The following ADAM9 variants were observed in gnomAD, a reference collection of about 807,000 sequenced individuals.
ADAM9 encodes the protein ADAM metallopeptidase domain 9, also known as disintegrin and metalloproteinase domain-containing protein 9.
Under a neutral mutation model 108.1 loss-of-function variants are expected in ADAM9, and 54 were observed. The observed-to-expected ratio is 0.50, with a 90% CI of 0.40 to 0.63. The LOEUF (loss-of-function observed/expected upper bound fraction) is 0.63, where lower values mean the gene tolerates loss of function less well. ADAM9 is among the 20% of genes least tolerant of loss of function. ADAM9 has a pLI of 0.00. For synonymous variants in ADAM9, 316 were observed against 336.0 expected (o/e 0.94, Z 0.65); for missense variants, 830 against 997.7 (o/e 0.83, Z 2.26).
chr8:39,033,571 CTT>C (rs1837171028), intron 11 of ADAM9, among the ~76,000 whole-genome samples: 1 of 151,032 alleles, frequency 6.6e-6, no homozygotes, highest in Non-Finnish European at 1.5e-5. Flanking sequence ...AAATATATGT[CTT>C]ATAATTATAT....
chr8:39,077,424 T>G lies in ADAM9; in HGVS notation c.1881+13T>G. On this transcript the variant is annotated intron_variant, in intron 16 of 21. Coordinates refer to ENST00000487273, the MANE Select transcript of ADAM9 (RefSeq NM_003816.3). ...TGGTGCTGGAAAGGTAATCAAAATA[T>G]TTTTTATTTACAAAGTAAAATGAAA... is the stretch of plus-strand genomic sequence containing the variant. 6.2e-7 allele frequency: 1 copy of G among 1,601,668 alleles called. No individual in the cohort carries two copies. Among genetic ancestry groups the G allele is most frequent in the Non-Finnish European group, 8.5e-7 (1 of 1,173,798 alleles).
At chr8:39,093,631 A>G (rs1284268146) in intron 20 of ADAM9, among the ~76,000 whole-genome samples, 2 of 152,208 alleles carry the variant, frequency 1.3e-5, no homozygotes, top group Admixed American at 1.3e-4. Flanking sequence ...TATATTGAGT[A>G]GAAGTGGTAG....
At chr8:39,048,996 T>C (rs1031589432) in intron 12 of ADAM9, among the ~76,000 whole-genome samples, 2 of 124,086 alleles carry the variant, frequency 1.6e-5, no homozygotes, top group African/African-American at 6.6e-5. Flanking sequence ...AGATAGCATA[T>C]AGTTTTTTTT....
intron 15 of ADAM9, among the ~76,000 whole-genome samples, chr8:39,072,304 A>G (rs2129441488): frequency 6.6e-6 from 1 of 152,296 alleles, no homozygotes; most frequent in Non-Finnish European, 1.5e-5. Flanking sequence ...GCTTCTACCC[A>G]TTCTACCTCC....
intron 13 of ADAM9, 90 bp from the exon 14 acceptor site, chr8:39,055,487 T>A: frequency 7.6e-7 from 1 of 1,319,804 alleles, no homozygotes; most frequent in South Asian, 1.2e-5. Flanking sequence ...GTTAGAATGC[T>A]TTATAGATGT....
Position 39,082,717 on chromosome 8 carries a change from A to G in ADAM9, c.1958A>G (p.His653Arg). ...DCDVQKKCHGHGVCNSNKNCH... is the reference protein window; with the variant it reads ...DCDVQKKCHGRGVCNSNKNCH... ...GATGTTCAGAAAAAGTGTCATGGAC[A>G]TGGGGTAGGTAATGTTTTCTTTTGG... The change falls in exon 17 of 22, where the codon CAT becomes CGT. Residue 653 changes from histidine to arginine, a missense_variant. Physicochemically the swap from His to Arg is conservative, Grantham distance 29. Around this residue, in one of 3 missense-constraint regions of ADAM9, gnomAD observed 238 missense variants for 235.7 expected, o/e 1.01. Transcript: ENST00000487273. The G allele has an allele frequency of 1.2e-6, 2 of 1,612,394 alleles. No homozygotes were observed. Among genetic ancestry groups the G allele is most frequent in the African/African-American group, 2.7e-5 (2 of 74,836 alleles).
intron 11 of ADAM9, among the ~76,000 whole-genome samples, chr8:39,028,365 TAA>T (rs34945222): frequency 6.7e-6 from 1 of 149,650 alleles, no homozygotes; most frequent in Non-Finnish European, 1.5e-5. Context: ...CCATGCTTCA[TAA>T]AAAAAAAATT....
intron 20 of ADAM9, among the ~76,000 whole-genome samples, chr8:39,094,404 T>C (rs545546479): frequency 1.3e-5 from 2 of 152,300 alleles, no homozygotes; most frequent in Admixed American, 6.5e-5. Context: ...GGTGTCCTTG[T>C]CTGGCTTTGG....
chr8:39,045,699 A>G (rs538564481), intron 12 of ADAM9, among the ~76,000 whole-genome samples: 3 of 152,172 alleles, frequency 2.0e-5, no homozygotes, highest in South Asian at 4.1e-4. Context: ...CCTTTTTTAC[A>G]TAACGATTTA....
chr8:39,011,017 C>T (rs1411352201), intron 2 of ADAM9, among the ~76,000 whole-genome samples: 4 of 149,524 alleles, frequency 2.7e-5, no homozygotes, highest in South Asian at 4.3e-4. Context: ...TTCCTGAACC[C>T]GGGAGGCAGA....
chr8:39,001,853 A>G (rs895725627), intron 1 of ADAM9, among the ~76,000 whole-genome samples: 5 of 152,018 alleles, frequency 3.3e-5, no homozygotes, highest in African/African-American at 1.2e-4. Context: ...TATTTTTAGT[A>G]GAGACAGGGT....
In ADAM9 at chr8:39,090,889, T is replaced by C. The variant is rs1186752256; in HGVS notation, c.2211-370T>C. Among the ~76,000 whole-genome samples the C allele has an allele frequency of 6.6e-5, 10 of 152,218 alleles. No individual in the cohort carries two copies. The East Asian group carries it at 1.9e-3, about 29-fold the overall frequency. The stretch of plus-strand genomic sequence containing the variant: ...ACCTATTACCTTTCCAGCCAATCCA[T>C]TCACTACCCTTGGATTTCCTAATTT... On this transcript the variant is annotated intron_variant, in intron 19 of 21. Transcript: ENST00000487273.
chr8:39,104,976 C>T lies in ADAM9; in HGVS notation c.*1276C>T. The T allele has an allele frequency of 2.3e-6, 1 of 427,228 alleles. No individual in the cohort carries two copies. Among genetic ancestry groups the T allele is most frequent in the Non-Finnish European group, 4.6e-6 (1 of 219,510 alleles). The allele number at this position is 427,228 out of a possible 1,614,324, so 26.5% of individuals were successfully genotyped here. A position where few individuals can be genotyped will look rare whatever the true frequency, so the allele number is the denominator to read the frequency against. On this transcript the variant is annotated 3_prime_UTR_variant, in exon 22 of 22. Coordinates refer to ENST00000487273, the MANE Select transcript of ADAM9 (RefSeq NM_003816.3). Reference sequence around the variant, plus strand: ...TATACATATACAAATACAACATTTACAATAAATAAAATACTTGAAATTCTC... The same window carrying T: ...TATACATATACAAATACAACATTTATAATAAATAAAATACTTGAAATTCTC...
chr8:39,019,383 C>T (rs575099245), intron 7 of ADAM9, among the ~76,000 whole-genome samples: 1 of 152,102 alleles, frequency 6.6e-6, no homozygotes, highest in African/African-American at 2.4e-5. Context: ...TATTAATTTC[C>T]GTGTATAGGA....
chr8:39,056,719 A>G (rs75916373), intron 14 of ADAM9, among the ~76,000 whole-genome samples: 272 of 152,156 alleles, frequency 1.8e-3, no homozygotes, highest in African/African-American at 6.2e-3. Context: ...ACTTTCCATT[A>G]ATTGACCTGT....
At chr8:39,074,756 T>C (rs1838800062) in intron 15 of ADAM9, among the ~76,000 whole-genome samples, 1 of 151,890 alleles carries the variant, frequency 6.6e-6, no homozygotes, top group Non-Finnish European at 1.5e-5. Flanking sequence ...TTTAGACTGA[T>C]TTTTTTTCTT....
At chr8:39,045,558 ATGTGTGTGTG>A (rs772438762) in intron 12 of ADAM9, among the ~76,000 whole-genome samples, 4 of 75,860 alleles carry the variant, frequency 5.3e-5, no homozygotes, top group African/African-American at 1.7e-4. Flanking sequence ...GTGTGTGTAT[ATGTGTGTGTG>A]TGTATATATA....
chr8:39,078,319 A>C (rs1838913524), intron 16 of ADAM9, among the ~76,000 whole-genome samples: 1 of 151,734 alleles, frequency 6.6e-6, no homozygotes, highest in Admixed American at 6.6e-5. Context: ...TAAGGTGGTA[A>C]CAATCTATAT....
chr8:39,020,873 C>G (rs1434184834), intron 7 of ADAM9, among the ~76,000 whole-genome samples: 2 of 139,090 alleles, frequency 1.4e-5, no homozygotes, highest in Admixed American at 7.8e-5. Context: ...ATTCTTTGCT[C>G]AACTAAATTC....
Sources: allele counts gnomAD v4.1 joint callset (sites outside exome capture counted in the v4.1 genomes callset), GRCh38; gene constraint gnomAD v4.1.1; regional missense constraint gnomAD v4.1.1; transcripts MANE v1.5; gene names NCBI Gene and HGNC (gene_info 2026-07-23, HGNC 2026-07-21).